Variants in PCDHGA5 observed in about 807,000 individuals in gnomAD.
The protein encoded by PCDHGA5 is protocadherin gamma-A5.
In PCDHGA5, 36 loss-of-function variants were observed where a neutral mutation model predicts 56.7. That is an observed-to-expected ratio of 0.64 (90% CI 0.49 to 0.84). PCDHGA5 has a LOEUF of 0.84. PCDHGA5 is among the 40% of genes least tolerant of loss of function. PCDHGA5 has a pLI of 0.00. For synonymous variants in PCDHGA5, 563 were observed against 520.2 expected (o/e 1.08, Z -1.12); for missense variants, 1,305 against 1,201.5 (o/e 1.09, Z -1.27).
At position 141,366,541 on chromosome 5, in the gene PCDHGA5, C is replaced by T. The variant is rs558446486; in HGVS notation, c.2211C>T (p.Ala737=). 62 of 1,614,270 alleles carry T rather than the reference C, an allele frequency of 3.8e-5. No homozygotes were observed. In the South Asian group the frequency reaches 6.5e-4, roughly 17 times the overall value. ...AEGSRLAGVP[A]SHFVGVDGVR... is the part of the protein sequence containing the mutation. ...GCAGCAGGTTGGCGGGTGTGCCCGC[C>T]TCGCACTTTGTGGGCGTGGATGGGG... The change falls in exon 1 of 4, where the codon GCC becomes GCT. Residue 737 remains alanine (A), a synonymous_variant. Transcript: ENST00000518069.
At chr5:141,501,298 C>CAG (rs2099807427) in intron 2 of PCDHGA5, among the ~76,000 whole-genome samples, 1 of 148,330 alleles carries the variant, frequency 6.7e-6, no homozygotes, top group Non-Finnish European at 1.5e-5. Context: ...TATACACACA[C>CAG]ACACACACAC....
intron 1 of PCDHGA5, among the ~76,000 whole-genome samples, chr5:141,425,922 A>G (rs1485934946): frequency 6.6e-6 from 1 of 152,240 alleles, no homozygotes; most frequent in Non-Finnish European, 1.5e-5. Context: ...TCACTACGAA[A>G]ACTCATAAAA....
In PCDHGA5 at chr5:141,431,878, C is replaced by T. The variant is rs2097425306; in HGVS notation, c.2422-62929C>T. The T allele has an allele frequency of 1.2e-6, 2 of 1,614,054 alleles. No individual in the cohort carries two copies. The highest frequency in any genetic ancestry group is 1.7e-5 in the Admixed American group (1 of 60,010). ...TAATTGCCCTTTTAAATGTAAATGACCAAGATTCTGAGGAAAACGGACAGG... is the reference window on the plus strand; with the variant it reads ...TAATTGCCCTTTTAAATGTAAATGATCAAGATTCTGAGGAAAACGGACAGG... On this transcript the variant is annotated intron_variant, in intron 1 of 3. Transcript: ENST00000518069. The surrounding 1 kb of genome is among the most constrained non-coding windows in gnomAD (Gnocchi z 4.8).
intron 1 of PCDHGA5, chr5:141,414,424 G>C (rs762669763): frequency 1.2e-6 from 2 of 1,613,846 alleles, no homozygotes; most frequent in Non-Finnish European, 1.7e-6. Context: ...CCTTGACAGG[G>C]AACAGGTATC....
chr5:141,394,463 G>A (rs1244366845), intron 1 of PCDHGA5: 2 of 1,614,248 alleles, frequency 1.2e-6, no homozygotes, highest in South Asian at 2.2e-5. Flanking sequence ...CACTGAGCCT[G>A]TTCGTGCTGG....
chr5:141,374,666 G>T (rs1770705641), intron 1 of PCDHGA5: 3 of 1,611,404 alleles, frequency 1.9e-6, no homozygotes, highest in Non-Finnish European at 2.5e-6. Flanking sequence ...CCCGGAGCTG[G>T]TGCTGGAGGG....
At chr5:141,403,738 T>G in intron 1 of PCDHGA5, 3 of 1,613,930 alleles carry the variant, frequency 1.9e-6, no homozygotes, top group Admixed American at 3.3e-5. Context: ...CCTGGCTGCT[T>G]ACTGCAACAG....
At chr5:141,421,478 G>T in intron 1 of PCDHGA5, 1 of 1,614,130 alleles carries the variant, frequency 6.2e-7, no homozygotes, top group Non-Finnish European at 8.5e-7. Flanking sequence ...CGAAGCGGCA[G>T]CTTGATCACG....
At chr5:141,389,724 C>A in intron 1 of PCDHGA5, 3 of 1,612,722 alleles carry the variant, frequency 1.9e-6, no homozygotes, top group African/African-American at 1.3e-5. Context: ...CGAGCCCGGG[C>A]TCTTCAGCCT....
chr5:141,511,003 G>T lies in PCDHGA5; in HGVS notation c.2626G>T (p.Ala876Ser), dbSNP rs114669158. ...GGGAGTMGLS[A>S]RYGPQFTLQH... The stretch of plus-strand genomic sequence containing the variant: ...GGGTGCCGGCACCATGGGATTGAGC[G>T]CCCGCTACGGACCCCAGTTCACCCT... Residue 876 changes from alanine to serine, a missense_variant, in exon 4 of 4, where the codon GCC (alanine) becomes TCC (serine). Coordinates refer to ENST00000518069, the MANE Select transcript of PCDHGA5 (RefSeq NM_018918.3). 2 of 1,614,032 alleles carry T rather than the reference G, an allele frequency of 1.2e-6. No individual in the cohort carries two copies. Among genetic ancestry groups the T allele is most frequent in the Non-Finnish European group, 1.7e-6 (2 of 1,180,020 alleles).
intron 1 of PCDHGA5, 143 bp from the exon 2 acceptor site, chr5:141,494,664 A>T: frequency 6.7e-7 from 1 of 1,500,298 alleles, no homozygotes; most frequent in Non-Finnish European, 8.9e-7. Flanking sequence ...GTCTTTGGAG[A>T]TGAGTCCACC....
At chr5:141,401,115 G>A (rs923480761) in intron 1 of PCDHGA5, among the ~76,000 whole-genome samples, 8 of 152,092 alleles carry the variant, frequency 5.3e-5, no homozygotes, top group Admixed American at 3.9e-4. Context: ...AGGCCGAGGC[G>A]GTTGGATCAC....
chr5:141,428,729 ATAT>A (rs2097158318), intron 1 of PCDHGA5: 2 of 159,768 alleles, frequency 1.3e-5, no homozygotes. Flanking sequence ...AATCTTAAAC[ATAT>A]TATATCTACT....
At chr5:141,445,732 A>G (rs2098475548) in intron 1 of PCDHGA5, among the ~76,000 whole-genome samples, 1 of 152,230 alleles carries the variant, frequency 6.6e-6, no homozygotes, top group African/African-American at 2.4e-5. Context: ...ATGTGTAAAG[A>G]TCTTTTTAAA....
At chr5:141,396,683 T>G (rs1445621329) in intron 1 of PCDHGA5, 1 of 152,136 alleles carries the variant, frequency 6.6e-6, no homozygotes, top group Non-Finnish European at 1.5e-5. Context: ...ATTGTATTCC[T>G]GCATACCTTC....
At chr5:141,408,524 G>A (rs1589673864) in intron 1 of PCDHGA5, 3 of 1,614,080 alleles carry the variant, frequency 1.9e-6, no homozygotes, top group Non-Finnish European at 1.7e-6. Context: ...GCAATTGGAA[G>A]CTGTGGTGGA....
At chr5:141,394,850 G>GC in intron 1 of PCDHGA5, 1 of 1,613,820 alleles carries the variant, frequency 6.2e-7, no homozygotes. Flanking sequence ...GCAGTCTGAA[G>GC]CCTTCGGTCG....
chr5:141,382,887 A>T (rs1778529404), intron 1 of PCDHGA5: 1 of 1,530,424 alleles, frequency 6.5e-7, no homozygotes, highest in Non-Finnish European at 8.8e-7. Context: ...TAAGCAAGAG[A>T]AGCAGGACGA....
At position 141,432,325 on chromosome 5, in the gene PCDHGA5, C is replaced by A; in HGVS notation, c.2422-62482C>A. 6.2e-7 allele frequency: 1 copy of A among 1,614,260 alleles called. No individual in the cohort carries two copies. The highest frequency in any genetic ancestry group is 1.1e-5 in the South Asian group (1 of 91,092). On this transcript the variant is annotated intron_variant, in intron 1 of 3. Transcript: ENST00000518069. The surrounding 1 kb of genome is among the most constrained non-coding windows in gnomAD (Gnocchi z 6.0). The stretch of plus-strand genomic sequence containing the variant: ...TGTATGCGCTGAGCTCCTTCGACTA[C>A]GAGCAGTTCCGAGACTTGCAAGTGA...
Sources: gnomAD v4.1 joint callset for allele counts (sites outside exome capture counted in the v4.1 genomes callset) on GRCh38, gnomAD v4.1.1 for gene constraint, Gnocchi (gnomAD v3.1) non-coding constraint, MANE v1.5 for transcripts, NCBI Gene and HGNC (gene_info 2026-07-23, HGNC 2026-07-21) for gene names.